The following RNF169 variants were observed in gnomAD, a reference collection of about 807,000 sequenced individuals.
RNF169 encodes the protein ring finger protein 169, also known as E3 ubiquitin-protein ligase RNF169.
In RNF169, 24 loss-of-function variants were observed where a neutral mutation model predicts 53.9. The ratio of observed to expected loss-of-function variants is 0.45; its 90% CI spans 0.32 to 0.63. The LOEUF is 0.63. RNF169 is among the 20% of genes least tolerant of loss of function. The pLI, the probability that RNF169 is intolerant of heterozygous loss-of-function variation, is 0.04. For synonymous variants in RNF169, 396 were observed against 363.5 expected, an observed-to-expected ratio of 1.09 and a Z score of -1.02; for missense variants, 883 against 906.2, an observed-to-expected ratio of 0.97 and a Z score of 0.33.
At chr11:74,806,664 T>C (rs1228339301) in intron 2 of RNF169, among the ~76,000 whole-genome samples, 1 of 152,204 alleles carries the variant, frequency 6.6e-6, no homozygotes, top group Non-Finnish European at 1.5e-5. Flanking sequence ...ATATCACAAA[T>C]AGAATGTTGA....
chr11:74,784,136 C>T (rs2035454801), intron 1 of RNF169, among the ~76,000 whole-genome samples: 1 of 152,114 alleles, frequency 6.6e-6, no homozygotes, highest in Non-Finnish European at 1.5e-5. Context: ...ATCCTAATAG[C>T]ATTTTACCTA....
chr11:74,765,655 A>G (rs1371252901), intron 1 of RNF169, among the ~76,000 whole-genome samples: 1 of 152,026 alleles, frequency 6.6e-6, no homozygotes, highest in Non-Finnish European at 1.5e-5. Context: ...ACAAAAAATT[A>G]GCCAAGTGTG....
At chr11:74,830,142 T>C (rs1223956833) in intron 4 of RNF169, among the ~76,000 whole-genome samples, 1 of 151,398 alleles carries the variant, frequency 6.6e-6, no homozygotes, top group Non-Finnish European at 1.5e-5. Flanking sequence ...ACACACAGAG[T>C]AGACTAAACA....
chr11:74,772,777 G>A (rs763854512), intron 1 of RNF169, among the ~76,000 whole-genome samples: 1 of 152,118 alleles, frequency 6.6e-6, no homozygotes, highest in African/African-American at 2.4e-5. Context: ...GATAAGATTA[G>A]CATTTTTTTA....
intron 4 of RNF169, among the ~76,000 whole-genome samples, chr11:74,820,847 G>A (rs1476170486): frequency 1.3e-5 from 2 of 152,294 alleles, no homozygotes; most frequent in Admixed American, 1.3e-4. Context: ...GTTTGGTGAG[G>A]GGTAGTGTCA....
At chr11:74,802,692 A>G (rs1297752340) in intron 2 of RNF169, among the ~76,000 whole-genome samples, 7 of 152,222 alleles carry the variant, frequency 4.6e-5, no homozygotes, top group African/African-American at 7.2e-5. Flanking sequence ...CTTGTGAGCA[A>G]CTTTGTCATT....
intron 2 of RNF169, among the ~76,000 whole-genome samples, chr11:74,795,874 A>G (rs2035642361): frequency 6.6e-6 from 1 of 152,206 alleles, no homozygotes; most frequent in Non-Finnish European, 1.5e-5. Flanking sequence ...AATAAAAAAT[A>G]AAGCAGACAT....
intron 1 of RNF169, among the ~76,000 whole-genome samples, chr11:74,780,525 C>G (rs1010526604): frequency 2.0e-5 from 3 of 152,224 alleles, no homozygotes; most frequent in African/African-American, 7.2e-5. Flanking sequence ...AGAATTCAGC[C>G]TCATTGATCC....
At chr11:74,799,975 C>T (rs899148740) in intron 2 of RNF169, among the ~76,000 whole-genome samples, 5 of 149,348 alleles carry the variant, frequency 3.3e-5, no homozygotes, top group African/African-American at 4.9e-5. Context: ...TTTAGCATCT[C>T]GTATGAAGTT....
intron 3 of RNF169, among the ~76,000 whole-genome samples, chr11:74,815,550 G>A (rs1324924335): frequency 2.0e-5 from 3 of 151,368 alleles, no homozygotes; most frequent in African/African-American, 4.9e-5. Flanking sequence ...TGTGAAACTC[G>A]GTCTCCAAAA....
Position 74,764,757 on chromosome 11 carries a change from TAAAACCA to T in RNF169, c.502+15377_502+15383del, listed in dbSNP as rs199781924. Among the ~76,000 whole-genome samples the T allele has an allele frequency of 8.3e-3, 1,260 of 152,244 alleles. 16 individuals carry two copies. Among genetic ancestry groups the T allele is most frequent in the African/African-American group, 0.028 (1,174 of 41,538 alleles). On this transcript the variant is annotated intron_variant, in intron 1 of 5. Transcript: ENST00000299563. ...ATAATTATCACTGATTTGTAGGGGCTAAAACCAAGGTAAAACTAAAATACTAGGCAAA... is the reference window on the plus strand; with the variant it reads ...ATAATTATCACTGATTTGTAGGGGCTAGGTAAAACTAAAATACTAGGCAAA...
Position 74,840,703 on chromosome 11 carries a change from G to T in RNF169, c.*3973G>T, listed in dbSNP as rs184614111. 6.6e-6 allele frequency: 1 copy of T among 152,032 alleles called. No homozygotes were observed. Among genetic ancestry groups the T allele is most frequent in the Non-Finnish European group, 1.5e-5 (1 of 68,018 alleles). The allele number at this position is 152,032 out of a possible 1,614,324, so 9.4% of individuals were successfully genotyped here. Reference sequence around the variant, plus strand: ...AGGAGAGTGAGAAAAGAGAACAAAGGCTGGGTCACAGTCATAGAATGTTAC... The same window carrying T: ...AGGAGAGTGAGAAAAGAGAACAAAGTCTGGGTCACAGTCATAGAATGTTAC... On this transcript the variant is annotated 3_prime_UTR_variant, in exon 6 of 6. Transcript: ENST00000299563.
chr11:74,825,180 T>C (rs1255286541), intron 4 of RNF169, among the ~76,000 whole-genome samples: 2 of 152,306 alleles, frequency 1.3e-5, no homozygotes, highest in Middle Eastern at 3.4e-3. Context: ...ACATGGAACA[T>C]TCTCCAATAT....
chr11:74,841,522 T>A lies in RNF169; in HGVS notation c.*4792T>A, dbSNP rs1162360972. The A allele has an allele frequency of 6.6e-6, 1 of 152,166 alleles. No individual in the cohort carries two copies. The highest frequency in any genetic ancestry group is 1.5e-5 in the Non-Finnish European group (1 of 68,032). The allele number at this position is 152,166 out of a possible 1,614,324, so 9.4% of individuals were successfully genotyped here. Reference sequence around the variant, plus strand: ...CAGATTGTTCTATGTATTATCAGTATTTTTTTCCTCTTAAGAAAAAAATTT... The same window carrying A: ...CAGATTGTTCTATGTATTATCAGTAATTTTTTCCTCTTAAGAAAAAAATTT... On this transcript the variant is annotated 3_prime_UTR_variant, in exon 6 of 6. Coordinates refer to ENST00000299563, the MANE Select transcript of RNF169 (RefSeq NM_001098638.2).
At chr11:74,780,096 A>G (rs998546165) in intron 1 of RNF169, among the ~76,000 whole-genome samples, 1 of 151,834 alleles carries the variant, frequency 6.6e-6, no homozygotes, top group African/African-American at 2.4e-5. Flanking sequence ...GCTGTTGTGC[A>G]CCTCCACCTC....
intron 1 of RNF169, among the ~76,000 whole-genome samples, chr11:74,784,558 C>T (rs534964366): frequency 3.9e-5 from 6 of 152,316 alleles, no homozygotes; most frequent in South Asian, 4.1e-4. Context: ...AATACCCTAG[C>T]GAGGAGTTGT....
intron 4 of RNF169, among the ~76,000 whole-genome samples, chr11:74,828,118 A>G (rs973106135): frequency 3.9e-5 from 6 of 152,222 alleles, no homozygotes; most frequent in African/African-American, 1.4e-4. Context: ...TTAATCTGAT[A>G]AGCAGCTTCA....
chr11:74,766,075 T>A (rs1338618448), intron 1 of RNF169, among the ~76,000 whole-genome samples: 1 of 152,004 alleles, frequency 6.6e-6, no homozygotes, highest in Non-Finnish European at 1.5e-5. Flanking sequence ...ACTATAGATA[T>A]AATGAAGATT....
intron 3 of RNF169, among the ~76,000 whole-genome samples, chr11:74,813,736 G>A (rs1014103267): frequency 6.6e-6 from 1 of 152,170 alleles, no homozygotes; most frequent in African/African-American, 2.4e-5. Flanking sequence ...TCGCCAGGCT[G>A]GAGTGGTACA....
Sources: gnomAD v4.1 joint callset for allele counts (sites outside exome capture counted in the v4.1 genomes callset) on GRCh38, gnomAD v4.1.1 for gene constraint, MANE v1.5 for transcripts, NCBI Gene and HGNC (gene_info 2026-07-23, HGNC 2026-07-21) for gene names.